Variants in ZDHHC14 observed in about 807,000 individuals in gnomAD.
ZDHHC14 encodes the protein zDHHC palmitoyltransferase 14.
Under a neutral mutation model 47.7 loss-of-function variants are expected in ZDHHC14, and 16 were observed. That is an observed-to-expected ratio of 0.34 (90% CI 0.23 to 0.51). The LOEUF is 0.51. Ranked by LOEUF, ZDHHC14 falls within the 20% of genes least tolerant of loss-of-function variation. The probability of loss-of-function intolerance (pLI) is 0.97; values close to 1 mark genes in which losing one functional copy is unlikely to be tolerated. For synonymous variants in ZDHHC14, 293 were observed against 278.9 expected, an observed-to-expected ratio of 1.05 and a Z score of -0.50; for missense variants, 515 against 662.5, an observed-to-expected ratio of 0.78 and a Z score of 2.44.
At chr6:157,646,070 A>G (rs1271062604) in intron 6 of ZDHHC14, among the ~76,000 whole-genome samples, 1 of 152,132 alleles carries the variant, frequency 6.6e-6, no homozygotes, top group Non-Finnish European at 1.5e-5. Flanking sequence ...AGTTACTAAG[A>G]TTGGCCAAGC....
chr6:157,531,008 C>G (rs539062505), intron 1 of ZDHHC14, among the ~76,000 whole-genome samples: 8 of 151,960 alleles, frequency 5.3e-5, no homozygotes, highest in African/African-American at 1.7e-4. Context: ...TTTTTCTCCC[C>G]CAGGAGAGAG....
chr6:157,532,861 G>T (rs949082669), intron 1 of ZDHHC14, among the ~76,000 whole-genome samples: 57 of 152,172 alleles, frequency 3.7e-4, no homozygotes, highest in African/African-American at 1.4e-3. Flanking sequence ...ATGGATAGTT[G>T]AGTTTTTAAA....
chr6:157,433,408 A>G (rs1778378780), intron 1 of ZDHHC14, among the ~76,000 whole-genome samples: 1 of 152,208 alleles, frequency 6.6e-6, no homozygotes, highest in African/African-American at 2.4e-5. Flanking sequence ...GTGGAAACTC[A>G]TAGGTATTCA....
rs748528510 is a variant in ZDHHC14 at position 157,542,684 on chromosome 6, C to T, written c.345C>T (p.Ser115=). ...VMGTLLRTSF[S]DPGVLPRATP... is the part of the protein sequence containing the mutation. The stretch of plus-strand genomic sequence containing the variant: ...GGACCCTGCTCCGCACCAGCTTCAG[C>T]GACCCCGGAGTCCTCCCACGAGCCA... Residue 115 remains serine, a synonymous_variant, in exon 2 of 9, where the codon AGC becomes AGT. Transcript: ENST00000359775. 1.9e-5 allele frequency: 31 copies of T among 1,614,114 alleles called. No homozygotes were observed. The highest frequency in any genetic ancestry group is 2.5e-5 in the Non-Finnish European group (30 of 1,180,016).
At chr6:157,564,419 A>C (rs577981148) in intron 2 of ZDHHC14, among the ~76,000 whole-genome samples, 3 of 152,324 alleles carry the variant, frequency 2.0e-5, no homozygotes, top group East Asian at 3.9e-4. Context: ...ATAGGTATTT[A>C]GGAATTGTCT....
intron 2 of ZDHHC14, among the ~76,000 whole-genome samples, chr6:157,578,470 T>A (rs779321672): frequency 1.1e-4 from 16 of 152,222 alleles, no homozygotes; most frequent in Admixed American, 2.0e-4. Context: ...ATTGTTTTTG[T>A]CAGGTTTGTC....
At chr6:157,487,073 A>C (rs1779798786) in intron 1 of ZDHHC14, among the ~76,000 whole-genome samples, 2 of 152,248 alleles carry the variant, frequency 1.3e-5, no homozygotes, top group South Asian at 4.1e-4. Flanking sequence ...GCAAACTTTG[A>C]ACTTGGGTCT....
chr6:157,545,041 T>C (rs1486050217), intron 2 of ZDHHC14, among the ~76,000 whole-genome samples: 3 of 152,206 alleles, frequency 2.0e-5, no homozygotes, highest in African/African-American at 7.2e-5. Context: ...AGAAAAGTAT[T>C]GATACAGGCT....
At chr6:157,563,039 CA>C (rs1406523364) in intron 2 of ZDHHC14, among the ~76,000 whole-genome samples, 1 of 152,184 alleles carries the variant, frequency 6.6e-6, no homozygotes, top group Non-Finnish European at 1.5e-5. Context: ...ATGTAGGGTT[CA>C]TGGTCTTCCT....
intron 1 of ZDHHC14, among the ~76,000 whole-genome samples, chr6:157,445,280 G>A (rs1778642324): frequency 6.6e-6 from 1 of 152,088 alleles, no homozygotes; most frequent in Non-Finnish European, 1.5e-5. Context: ...GATTCAAAGA[G>A]TTAATTTCAC....
intron 1 of ZDHHC14, among the ~76,000 whole-genome samples, chr6:157,496,068 T>A (rs1780055694): frequency 6.6e-6 from 1 of 152,212 alleles, no homozygotes; most frequent in Non-Finnish European, 1.5e-5. Flanking sequence ...ACATACATTG[T>A]ACCCAATTCC....
At chr6:157,669,386 G>A (rs1229512478) in intron 8 of ZDHHC14, among the ~76,000 whole-genome samples, 1 of 152,114 alleles carries the variant, frequency 6.6e-6, no homozygotes, top group Non-Finnish European at 1.5e-5. Flanking sequence ...AGAGAGGAAA[G>A]TTGAAAGAAA....
At chr6:157,553,577 C>G (rs930483389) in intron 2 of ZDHHC14, among the ~76,000 whole-genome samples, 1 of 151,906 alleles carries the variant, frequency 6.6e-6, no homozygotes, top group African/African-American at 2.4e-5. Context: ...AACCAACTCA[C>G]CCTTTGCCTT....
intron 1 of ZDHHC14, among the ~76,000 whole-genome samples, chr6:157,516,208 C>T (rs927050): frequency 0.21 from 31,836 of 152,124 alleles, 4,261 homozygotes; most frequent in African/African-American, 0.37. Flanking sequence ...CTGTATCATC[C>T]TCCATGATAT....
chr6:157,428,317 A>G (rs903884523), intron 1 of ZDHHC14, among the ~76,000 whole-genome samples: 11 of 152,154 alleles, frequency 7.2e-5, no homozygotes, highest in African/African-American at 1.9e-4. Flanking sequence ...CCTCTCAGGA[A>G]AGTGGACTGG....
chr6:157,394,556 C>T (rs1777484889), intron 1 of ZDHHC14, among the ~76,000 whole-genome samples: 1 of 152,186 alleles, frequency 6.6e-6, no homozygotes, highest in Admixed American at 6.5e-5. Context: ...ATAGAGGTGA[C>T]AGTGGAACCC....
chr6:157,624,457 G>A (rs1785323145), intron 3 of ZDHHC14, among the ~76,000 whole-genome samples: 1 of 152,326 alleles, frequency 6.6e-6, no homozygotes, highest in African/African-American at 2.4e-5. Flanking sequence ...TTGGATCTGA[G>A]GAATATTTTA....
intron 3 of ZDHHC14, among the ~76,000 whole-genome samples, chr6:157,609,640 G>T (rs1784678277): frequency 6.6e-6 from 1 of 152,252 alleles, no homozygotes; most frequent in South Asian, 2.1e-4. Context: ...CTTCCATTCT[G>T]CTCTGAGCAG....
At chr6:157,417,228 G>A (rs1778001461) in intron 1 of ZDHHC14, among the ~76,000 whole-genome samples, 2 of 151,954 alleles carry the variant, frequency 1.3e-5, no homozygotes, top group East Asian at 1.9e-4. Context: ...AATTCTGTAT[G>A]CTCCTTAGTT....
Sources: allele counts gnomAD v4.1 joint callset (sites outside exome capture counted in the v4.1 genomes callset), GRCh38; gene constraint gnomAD v4.1.1; transcripts MANE v1.5; gene names NCBI Gene and HGNC (gene_info 2026-07-23, HGNC 2026-07-21).